XPNPEP1: variants seen among roughly 807,000 people sequenced by gnomAD.
The protein encoded by XPNPEP1 is X-prolyl aminopeptidase 1, also known as xaa-Pro aminopeptidase 1.
XPNPEP1 carries 39 observed loss-of-function variants against 92.4 expected under a neutral mutation model. The observed-to-expected ratio is 0.42, with a 90% CI of 0.33 to 0.55. The LOEUF is 0.55. XPNPEP1 is among the 20% of genes least tolerant of loss of function. The pLI, the probability that XPNPEP1 is intolerant of heterozygous loss-of-function variation, is 0.08. For synonymous variants in XPNPEP1, 307 were observed against 299.4 expected (o/e 1.03, Z -0.26); for missense variants, 654 against 856.1 (o/e 0.76, Z 2.95).
intron 9 of XPNPEP1, 46 bp downstream of exon 9, chr10:109,884,021 C>A: frequency 1.3e-6 from 2 of 1,589,610 alleles, no homozygotes; most frequent in South Asian, 2.2e-5. Context: ...CACTAGGGCT[C>A]TGAGGAGCTC....
intron 10 of XPNPEP1, among the ~76,000 whole-genome samples, chr10:109,881,331 T>C (rs1848082989): frequency 6.6e-6 from 1 of 152,204 alleles, no homozygotes; most frequent in Non-Finnish European, 1.5e-5. Context: ...TGTCTAGCCA[T>C]GCACATGACC....
chr10:109,916,475 CAATT>C (rs921495265), intron 1 of XPNPEP1, among the ~76,000 whole-genome samples: 17 of 152,268 alleles, frequency 1.1e-4, no homozygotes, highest in Non-Finnish European at 2.4e-4. Context: ...GCTATGAACT[CAATT>C]AAGTTATAAT....
chr10:109,922,327 C>T (rs368802591), intron 1 of XPNPEP1, among the ~76,000 whole-genome samples: 6 of 152,156 alleles, frequency 3.9e-5, no homozygotes, highest in African/African-American at 1.4e-4. Flanking sequence ...TCACCTTGGC[C>T]CCCTAAAGAC....
At chr10:109,873,287 T>C (rs1847586595) in intron 16 of XPNPEP1, 80 bp downstream of exon 16, 1 of 1,558,544 alleles carries the variant, frequency 6.4e-7, no homozygotes, top group African/African-American at 1.4e-5. Flanking sequence ...TTTACTTCTT[T>C]ATACAATCCC....
intron 1 of XPNPEP1, among the ~76,000 whole-genome samples, chr10:109,921,475 T>C (rs1278642615): frequency 6.6e-6 from 1 of 152,234 alleles, no homozygotes; most frequent in Non-Finnish European, 1.5e-5. Flanking sequence ...TCTCCCTCTT[T>C]TTCCAAGAAA....
In XPNPEP1 at chr10:109,884,209, T is replaced by C. The variant is rs1848264176; in HGVS notation, c.749-61A>G. 11 of 1,531,674 alleles carry C rather than the reference T, an allele frequency of 7.2e-6. No individual in the cohort carries two copies. The South Asian group carries it at 1.0e-4, about 14-fold the overall frequency. The allele number at this position is 1,531,674 out of a possible 1,614,324, so 94.9% of individuals were successfully genotyped here. On this transcript the variant is annotated intron_variant, in intron 8 of 20. Coordinates refer to ENST00000502935, the MANE Select transcript of XPNPEP1 (RefSeq NM_020383.4). ...ACTTAAGATGTTAAGGGGTCGCTTGTAGCGGGAGGGAAGAGCTTCAGCTTG... is the reference window on the plus strand; with the variant it reads ...ACTTAAGATGTTAAGGGGTCGCTTGCAGCGGGAGGGAAGAGCTTCAGCTTG...
At chr10:109,880,547 C>T (rs1848034394) in intron 11 of XPNPEP1, among the ~76,000 whole-genome samples, 1 of 152,150 alleles carries the variant, frequency 6.6e-6, no homozygotes, top group African/African-American at 2.4e-5. Flanking sequence ...AAAAAACAGG[C>T]CACTATCAAA....
chr10:109,870,057 G>A, intron 18 of XPNPEP1, 28 bp from the exon 19 acceptor site: 1 of 1,612,280 alleles, frequency 6.2e-7, no homozygotes, highest in African/African-American at 1.3e-5. Context: ...CCAAAAATGA[G>A]AAGCAGCCCA....
chr10:109,878,345 T>TC lies in XPNPEP1; in HGVS notation c.1183-288dup, dbSNP rs1384749913. On this transcript the variant is annotated intron_variant, in intron 12 of 20. Coordinates refer to ENST00000502935, the MANE Select transcript of XPNPEP1 (RefSeq NM_020383.4). The stretch of plus-strand genomic sequence containing the variant: ...ATCTAAGTTTAAAAATTCAAAAGCA[T>TC]CCCCTCCTAAGAAATCATCGTAAGA... 6 of 327,930 alleles carry TC rather than the reference T, an allele frequency of 1.8e-5. No homozygotes were observed. The East Asian group carries it at 2.9e-4, about 16-fold the overall frequency. 20.3% of individuals were successfully genotyped at this position (327,930 alleles called of 1,614,324 possible). A position where few individuals can be genotyped will look rare whatever the true frequency, so the allele number is the denominator to read the frequency against.
Position 109,888,503 on chromosome 10 carries a change from C to G in XPNPEP1, c.508G>C (p.Asp170His), listed in dbSNP as rs757816558. 2 of 1,609,240 alleles carry G rather than the reference C, an allele frequency of 1.2e-6. No individual in the cohort carries two copies. The highest frequency in any genetic ancestry group is 2.2e-5 in the East Asian group (1 of 44,786). ...GCAGAAAGGGACCAAGCTCACTTAC[C>G]TGTAGGAATGATCAAGGGGTCCACA... ...VGVDPLIIPT[D>H]YWKKMAKVLR... The change falls in exon 6 of 21, where the codon GAT becomes CAT. Residue 170 changes from aspartate to histidine, a missense_variant and splice_region_variant. Coordinates refer to ENST00000502935, the MANE Select transcript of XPNPEP1 (RefSeq NM_020383.4).
chr10:109,867,083 T>A lies in XPNPEP1; in HGVS notation c.1872+1531A>T, dbSNP rs1847184467. 6.6e-6 allele frequency among the ~76,000 whole-genome samples: 1 copy of A among 152,238 alleles called. No homozygotes were observed. The highest frequency in any genetic ancestry group is 2.1e-4 in the South Asian group (1 of 4,832). On this transcript the variant is annotated intron_variant, in intron 20 of 20. Coordinates refer to ENST00000502935, the MANE Select transcript of XPNPEP1 (RefSeq NM_020383.4). The surrounding 1 kb of genome is among the most constrained non-coding windows in gnomAD (Gnocchi z 4.5). ...ATGACCTAGAATTACTTGGCAGGAA[T>A]CCATAGCCTTGGACTTCCAAGAGTG...
At chr10:109,910,611 AT>A (rs1020462295) in intron 2 of XPNPEP1, among the ~76,000 whole-genome samples, 1 of 151,514 alleles carries the variant, frequency 6.6e-6, no homozygotes, top group Non-Finnish European at 1.5e-5. Context: ...TTGATAGCTC[AT>A]TTTTTTAGCC....
intron 5 of XPNPEP1, chr10:109,891,440 G>A (rs1458282641): frequency 1.5e-5 from 4 of 270,686 alleles, no homozygotes; most frequent in Admixed American, 5.1e-5. Flanking sequence ...CCCAGTACAG[G>A]AGTGAAATGC....
intron 3 of XPNPEP1, chr10:109,893,566 T>C (rs1848817173): frequency 6.4e-6 from 1 of 156,182 alleles, no homozygotes; most frequent in African/African-American, 2.4e-5. Flanking sequence ...ATCTCTCCCA[T>C]GCAGACCCTG....
chr10:109,891,797 C>T lies in XPNPEP1; in HGVS notation c.340G>A (p.Ala114Thr), dbSNP rs139006104. The change falls in exon 5 of 21, where the codon GCC becomes ACC. Residue 114 changes from alanine (A) to threonine (T), a missense_variant. By Grantham distance (58) the Ala-to-Thr change is moderately conservative. Transcript: ENST00000502935. ...AAGTAGCGCCCGTCAGTCCACATGGCTGCATGCTCTTCTGTGATGATGGCT... is the reference window on the plus strand; with the variant it reads ...AAGTAGCGCCCGTCAGTCCACATGGTTGCATGCTCTTCTGTGATGATGGCT... ...GTAIITEEHA[A>T]MWTDGRYFLQ... 4.2e-5 allele frequency: 67 copies of T among 1,607,560 alleles called. No individual in the cohort carries two copies. The highest frequency in any genetic ancestry group is 1.2e-4 in the Admixed American group (7 of 58,202).
intron 6 of XPNPEP1, 145 bp downstream of exon 6, chr10:109,888,358 A>C: frequency 8.2e-7 from 1 of 1,226,422 alleles, no homozygotes; most frequent in Non-Finnish European, 1.1e-6. Flanking sequence ...CACCAGTGGA[A>C]CTCTTCTCTT....
At chr10:109,908,237 G>C (rs1238028213) in intron 2 of XPNPEP1, among the ~76,000 whole-genome samples, 1 of 152,148 alleles carries the variant, frequency 6.6e-6, no homozygotes, top group African/African-American at 2.4e-5. Flanking sequence ...AAATTACACA[G>C]ACCTAGAAAA....
intron 1 of XPNPEP1, among the ~76,000 whole-genome samples, chr10:109,915,993 T>C (rs1589637458): frequency 6.6e-6 from 1 of 152,110 alleles, no homozygotes; most frequent in East Asian, 1.9e-4. Flanking sequence ...ACAGACAAGA[T>C]CTCTGACTTT....
intron 2 of XPNPEP1, among the ~76,000 whole-genome samples, chr10:109,909,078 G>A (rs1177846271): frequency 6.6e-6 from 1 of 152,100 alleles, no homozygotes; most frequent in Non-Finnish European, 1.5e-5. Context: ...AGACCATCCT[G>A]GCTAACATGG....
Sources: allele counts gnomAD v4.1 joint callset (sites outside exome capture counted in the v4.1 genomes callset), GRCh38; gene constraint gnomAD v4.1.1; non-coding constraint Gnocchi (gnomAD v3.1); transcripts MANE v1.5; gene names NCBI Gene and HGNC (gene_info 2026-07-23, HGNC 2026-07-21).